The following OXTR variants were observed in gnomAD, a reference collection of about 807,000 sequenced individuals.
The protein encoded by OXTR is oxytocin receptor.
A neutral mutation model predicts 23.9 loss-of-function variants in OXTR; 19 were observed. That is an observed-to-expected ratio of 0.80 (90% CI 0.56 to 1.17). The LOEUF (loss-of-function observed/expected upper bound fraction) is 1.17. Among genes scored for constraint, OXTR ranks in the 50% most tolerant of loss-of-function variants. The pLI is 0.00. For missense variants in OXTR, 500 were observed against 550.7 expected, an observed-to-expected ratio of 0.91 and a Z score of 0.92; for synonymous variants, 278 against 250.5, an observed-to-expected ratio of 1.11 and a Z score of -1.04.
At chr3:8,761,315 G>A (rs59190448) in intron 3 of OXTR, among the ~76,000 whole-genome samples, 17,953 of 152,162 alleles carry the variant, frequency 0.12, 3,089 homozygotes, top group African/African-American at 0.38. Context: ...TGCCATCAGC[G>A]GATGTGTACC....
the OXTR span, among the ~76,000 whole-genome samples, chr3:8,741,461 C>A: frequency 6.6e-6 from 1 of 152,118 alleles, no homozygotes; most frequent in Admixed American, 6.5e-5. Context: ...AAAAGCTAAG[C>A]CTCTCACTTG....
chr3:8,762,520 C>T (rs577405155), intron 3 of OXTR, among the ~76,000 whole-genome samples: 1 of 152,354 alleles, frequency 6.6e-6, no homozygotes, highest in South Asian at 2.1e-4. Flanking sequence ...CTTGTGCACT[C>T]TTCATGGCCC....
chr3:8,760,747 G>A (rs977611266), intron 3 of OXTR, among the ~76,000 whole-genome samples: 9 of 152,210 alleles, frequency 5.9e-5, no homozygotes, highest in African/African-American at 1.7e-4. Context: ...TGGGGTGGGC[G>A]TTCCCATGGC....
downstream of OXTR, among the ~76,000 whole-genome samples, chr3:8,747,934 A>G (rs1192006339): frequency 6.6e-6 from 1 of 152,216 alleles, no homozygotes; most frequent in African/African-American, 2.4e-5. Flanking sequence ...TCGGTGCTTA[A>G]TTAGCCACAA....
the OXTR span, among the ~76,000 whole-genome samples, chr3:8,743,665 C>T: frequency 6.6e-6 from 1 of 152,136 alleles, no homozygotes; most frequent in Non-Finnish European, 1.5e-5. Context: ...AGGCCTCATC[C>T]TCAGGGATCC....
At chr3:8,750,059 T>G (rs1470166022), downstream of OXTR, among the ~76,000 whole-genome samples, 1 of 152,182 alleles carries the variant, frequency 6.6e-6, no homozygotes, top group East Asian at 1.9e-4. Flanking sequence ...TAAAGGTATT[T>G]CTTAGACGTG....
chr3:8,746,044 C>T (rs1448998581), downstream of OXTR: 2 of 595,210 alleles, frequency 3.4e-6, no homozygotes, highest in East Asian at 5.6e-5. Flanking sequence ...GCCACAGAAG[C>T]ACAATGGCCC....
chr3:8,741,946 G>A, the OXTR span, among the ~76,000 whole-genome samples: 5 of 152,174 alleles, frequency 3.3e-5, no homozygotes, highest in Admixed American at 1.3e-4. Flanking sequence ...GTGCACCATC[G>A]TTCCCCCTTC....
In OXTR at chr3:8,757,457, A is replaced by T. The variant is rs369812493; in HGVS notation, c.923-4233T>A. ...TAAAAAAAAAAACAAAAAACAAAAA[A>T]AATCAAACCCCAGAGCCCTCAGGTT... On this transcript the variant is annotated intron_variant, in intron 3 of 3. Transcript: ENST00000316793. Among the ~76,000 whole-genome samples the T allele has an allele frequency of 1.1e-4, 16 of 152,042 alleles. No individual in the cohort carries two copies. In the East Asian group the frequency reaches 2.1e-3, roughly 20 times the overall value.
intron 3 of OXTR, among the ~76,000 whole-genome samples, chr3:8,762,932 C>G (rs1376174956): frequency 6.6e-6 from 1 of 152,222 alleles, no homozygotes; most frequent in African/African-American, 2.4e-5. Context: ...CCCCGTCTCA[C>G]TCACCTCTCT....
downstream of OXTR, chr3:8,745,738 C>T (rs1457680496): frequency 1.2e-6 from 2 of 1,614,152 alleles, no homozygotes; most frequent in Non-Finnish European, 8.5e-7. This position sits in a 1 kb window ranked among gnomAD's most constrained non-coding sequence, Gnocchi z 4.8. Context: ...GCATTAAGAG[C>T]TACCTGATCG....
chr3:8,742,475 G>C, the OXTR span: 1 of 456,614 alleles, frequency 2.2e-6, no homozygotes, highest in South Asian at 1.5e-5. Flanking sequence ...AAGGAAAGGA[G>C]GACTCCATCC....
chr3:8,756,807 CG>C (rs1418964083), intron 3 of OXTR, among the ~76,000 whole-genome samples: 1 of 152,218 alleles, frequency 6.6e-6, no homozygotes, highest in Admixed American at 6.5e-5. Flanking sequence ...TGCCTTCATC[CG>C]GGCTTCTCTG....
intron 3 of OXTR, 81 bp downstream of exon 3, chr3:8,767,185 C>A: frequency 7.3e-7 from 1 of 1,378,768 alleles, no homozygotes. Flanking sequence ...TCCACAGACC[C>A]CTGGACATTC....
chr3:8,759,214 G>A (rs1708438059), intron 3 of OXTR, among the ~76,000 whole-genome samples: 2 of 152,184 alleles, frequency 1.3e-5, no homozygotes, highest in South Asian at 2.1e-4. Context: ...TCTTTGCATA[G>A]TAAGCTCCTA....
downstream of OXTR, among the ~76,000 whole-genome samples, chr3:8,749,356 A>G (rs755236942): frequency 1.0e-3 from 159 of 152,330 alleles, no homozygotes; most frequent in Admixed American, 1.8e-3. Flanking sequence ...CAAGAGTCTT[A>G]TAACTCCAGG....
chr3:8,763,359 G>A (rs1708531700), intron 3 of OXTR, among the ~76,000 whole-genome samples: 2 of 152,202 alleles, frequency 1.3e-5, no homozygotes, highest in African/African-American at 4.8e-5. Context: ...AGCAGGTAAA[G>A]CAACTGGCTT....
At chr3:8,759,705 C>T (rs78062775) in intron 3 of OXTR, among the ~76,000 whole-genome samples, 7,220 of 152,230 alleles carry the variant, frequency 0.047, 234 homozygotes, top group Non-Finnish European at 0.069. Flanking sequence ...GCAAGAGTGC[C>T]GTTGGGGTGG....
At chr3:8,745,708 C>T (rs377495315), downstream of OXTR, 6 of 1,614,214 alleles carry the variant, frequency 3.7e-6, no homozygotes, top group Middle Eastern at 3.3e-4. This position sits in a 1 kb window ranked among gnomAD's most constrained non-coding sequence, Gnocchi z 4.8. Flanking sequence ...CCTTCTGCCA[C>T]ATCTGGGCGG....
Sources: gnomAD v4.1 joint callset for allele counts (sites outside exome capture counted in the v4.1 genomes callset) on GRCh38, gnomAD v4.1.1 for gene constraint, Gnocchi (gnomAD v3.1) non-coding constraint, MANE v1.5 for transcripts, NCBI Gene and HGNC (gene_info 2026-07-23, HGNC 2026-07-21) for gene names.